The following CTNNA3 variants were observed in gnomAD, a reference collection of about 807,000 sequenced individuals.
CTNNA3 encodes the protein catenin alpha-3.
Under a neutral mutation model 95.7 loss-of-function variants are expected in CTNNA3, and 76 were observed. The observed-to-expected ratio is 0.79, with a 90% CI of 0.66 to 0.96. CTNNA3 has a LOEUF of 0.96. Ranked by LOEUF, CTNNA3 falls within the 40% of genes least tolerant of loss-of-function variation. The pLI, the probability that CTNNA3 is intolerant of heterozygous loss-of-function variation, is 0.00. For missense variants in CTNNA3, 1,191 were observed against 1,089.8 expected, an observed-to-expected ratio of 1.09 and a Z score of -1.31; for synonymous variants, 431 against 374.4, an observed-to-expected ratio of 1.15 and a Z score of -1.74.
intron 7 of CTNNA3, among the ~76,000 whole-genome samples, chr10:66,904,100 C>T (rs1246705898): frequency 6.6e-6 from 1 of 151,430 alleles, no homozygotes; most frequent in Non-Finnish European, 1.5e-5. Context: ...AACAAGGTAT[C>T]ACACTACCTG....
intron 7 of CTNNA3, among the ~76,000 whole-genome samples, chr10:67,122,563 T>C (rs1000509874): frequency 6.6e-6 from 1 of 152,124 alleles, no homozygotes; most frequent in African/African-American, 2.4e-5. Context: ...CAATTTGGTC[T>C]GTGGTGTGGA....
chr10:66,733,519 C>T (rs10997371), intron 9 of CTNNA3, among the ~76,000 whole-genome samples: 75,622 of 151,328 alleles, frequency 0.5, 19,072 homozygotes, highest in African/African-American at 0.56. Context: ...TATGTATACA[C>T]GAACACACAC....
intron 15 of CTNNA3, among the ~76,000 whole-genome samples, chr10:66,031,048 G>T (rs143103086): frequency 6.6e-6 from 1 of 151,996 alleles, no homozygotes. Flanking sequence ...TTAAAAAGTC[G>T]AAAACTGATA....
intron 7 of CTNNA3, among the ~76,000 whole-genome samples, chr10:67,162,834 G>C (rs1861608620): frequency 1.3e-5 from 2 of 152,014 alleles, no homozygotes; most frequent in South Asian, 2.1e-4. Context: ...AGGCATCAAA[G>C]CACAATAAGG....
chr10:67,550,577 A>G (rs1284430343), intron 3 of CTNNA3, among the ~76,000 whole-genome samples: 1 of 151,724 alleles, frequency 6.6e-6, no homozygotes, highest in African/African-American at 2.4e-5. Context: ...TAAAGAATAA[A>G]GAAATTCTTT....
At chr10:67,619,836 C>T (rs1263496875) in intron 2 of CTNNA3, among the ~76,000 whole-genome samples, 1 of 152,066 alleles carries the variant, frequency 6.6e-6, no homozygotes, top group African/African-American at 2.4e-5. Context: ...CTCCCCTGCA[C>T]AAAACTTCAG....
chr10:66,817,226 A>C (rs1262220472), intron 7 of CTNNA3, among the ~76,000 whole-genome samples: 1 of 152,046 alleles, frequency 6.6e-6, no homozygotes, highest in Non-Finnish European at 1.5e-5. Flanking sequence ...GAAATAAAAT[A>C]AAACAAAAAA....
chr10:66,253,810 T>G (rs549348246), intron 13 of CTNNA3, among the ~76,000 whole-genome samples: 42 of 152,278 alleles, frequency 2.8e-4, no homozygotes, highest in African/African-American at 8.7e-4. Context: ...GACCTTATAG[T>G]GATTCCAACA....
chr10:67,604,292 C>T (rs1843187485), intron 3 of CTNNA3, among the ~76,000 whole-genome samples: 1 of 152,078 alleles, frequency 6.6e-6, no homozygotes, highest in South Asian at 2.1e-4. Flanking sequence ...ACTGCGAGTT[C>T]CTGTTTGGAG....
At chr10:66,890,591 G>C (rs1845229582) in intron 7 of CTNNA3, among the ~76,000 whole-genome samples, 1 of 151,982 alleles carries the variant, frequency 6.6e-6, no homozygotes, top group Non-Finnish European at 1.5e-5. Context: ...GGGTGCAATG[G>C]GAGTAAAAAG....
At chr10:67,391,086 T>C (rs985055734) in intron 5 of CTNNA3, among the ~76,000 whole-genome samples, 6 of 150,424 alleles carry the variant, frequency 4.0e-5, no homozygotes, top group African/African-American at 1.5e-4. Flanking sequence ...AAATAAAGGG[T>C]ATTCAATTAG....
intron 1 of CTNNA3, among the ~76,000 whole-genome samples, chr10:67,726,874 A>G (rs1331925598): frequency 1.8e-5 from 2 of 113,720 alleles, no homozygotes; most frequent in Non-Finnish European, 3.2e-5. Context: ...ATAATTATAT[A>G]TTATATATAA....
At chr10:65,945,071 T>C (rs1376987759) in intron 17 of CTNNA3, among the ~76,000 whole-genome samples, 1 of 152,074 alleles carries the variant, frequency 6.6e-6, no homozygotes, top group Non-Finnish European at 1.5e-5. Context: ...CAGGCACAAA[T>C]TTACCTTGTT....
intron 1 of CTNNA3, among the ~76,000 whole-genome samples, chr10:67,702,060 C>G (rs1311094264): frequency 1.3e-5 from 2 of 152,070 alleles, no homozygotes; most frequent in Non-Finnish European, 2.9e-5. Flanking sequence ...GGGATCAATT[C>G]AACAAGAAGA....
At chr10:67,658,143 G>T (rs1335970061) in intron 1 of CTNNA3, among the ~76,000 whole-genome samples, 1 of 152,174 alleles carries the variant, frequency 6.6e-6, no homozygotes, top group Admixed American at 6.5e-5. Context: ...AAGTTGGACT[G>T]CCTGGGTGAG....
intron 11 of CTNNA3, among the ~76,000 whole-genome samples, chr10:66,497,953 T>C (rs538527036): frequency 7.9e-5 from 12 of 152,218 alleles, no homozygotes; most frequent in Non-Finnish European, 4.4e-5. Flanking sequence ...CTATCAAAAA[T>C]CTATGCTTAT....
chr10:66,919,109 T>C (rs1233289079), intron 7 of CTNNA3, among the ~76,000 whole-genome samples: 1 of 134,760 alleles, frequency 7.4e-6, no homozygotes, highest in Non-Finnish European at 1.5e-5. Flanking sequence ...AACTCCAGCC[T>C]GGGTGACAGA....
At chr10:66,003,548 C>G (rs1215615098) in intron 15 of CTNNA3, among the ~76,000 whole-genome samples, 2 of 152,008 alleles carry the variant, frequency 1.3e-5, no homozygotes, top group Admixed American at 1.3e-4. Context: ...AGAAAAAACA[C>G]AAAACCCATA....
chr10:67,346,727 TC>T, intron 5 of CTNNA3: 1 of 510,262 alleles, frequency 2.0e-6, no homozygotes, highest in South Asian at 1.4e-5. Flanking sequence ...CCAAATTTCT[TC>T]CCTCAACTAT....
Sources: allele counts gnomAD v4.1 joint callset (sites outside exome capture counted in the v4.1 genomes callset), GRCh38; gene constraint gnomAD v4.1.1; transcripts MANE v1.5; gene names NCBI Gene and HGNC (gene_info 2026-07-23, HGNC 2026-07-21).